SPECC1L: variants seen among roughly 807,000 people sequenced by gnomAD.
The protein encoded by SPECC1L is cytospin-A.
A neutral mutation model predicts 116.8 loss-of-function variants in SPECC1L; 40 were observed. The ratio of observed to expected loss-of-function variants is 0.34; its 90% CI spans 0.27 to 0.45. SPECC1L has a LOEUF of 0.45. Among genes scored for constraint, SPECC1L ranks in the 20% least tolerant of loss-of-function variants. SPECC1L has a pLI of 1.00. For synonymous variants in SPECC1L, 504 were observed against 500.6 expected (o/e 1.01, Z -0.09); for missense variants, 1,110 against 1,373.6 (o/e 0.81, Z 3.03).
intron 12 of SPECC1L, among the ~76,000 whole-genome samples, chr22:24,363,604 T>G (rs2041688963): frequency 6.6e-6 from 1 of 152,228 alleles, no homozygotes. Context: ...GTGTGTGTGT[T>G]CTTCAGATTC....
At chr22:24,299,965 A>G (rs1019106572) in intron 2 of SPECC1L, among the ~76,000 whole-genome samples, 11 of 152,214 alleles carry the variant, frequency 7.2e-5, no homozygotes, top group African/African-American at 2.7e-4. Flanking sequence ...TAATTTATAT[A>G]AATGGAATCA....
chr22:24,384,994 C>T (rs1200836310), intron 14 of SPECC1L, among the ~76,000 whole-genome samples: 1 of 149,468 alleles, frequency 6.7e-6, no homozygotes. Context: ...ACCCGGGAGG[C>T]AGAGCTTGCA....
At chr22:24,337,849 G>T (rs531424580) in intron 9 of SPECC1L, among the ~76,000 whole-genome samples, 4 of 151,828 alleles carry the variant, frequency 2.6e-5, no homozygotes, top group South Asian at 2.1e-4. Context: ...GTTTATTATA[G>T]AGAGAGAGAG....
chr22:24,362,140 T>C (rs1326001741), intron 11 of SPECC1L, among the ~76,000 whole-genome samples: 2 of 152,222 alleles, frequency 1.3e-5, no homozygotes, highest in Non-Finnish European at 2.9e-5. Flanking sequence ...GTTGTCCTTG[T>C]GACTGCCTCT....
chr22:24,366,003 T>C (rs535571444), intron 13 of SPECC1L, among the ~76,000 whole-genome samples: 23 of 151,974 alleles, frequency 1.5e-4, no homozygotes, highest in Admixed American at 1.3e-3. Context: ...GGGGGCATGA[T>C]TGGCAAGGTC....
chr22:24,348,912 G>A (rs992062933), intron 11 of SPECC1L, among the ~76,000 whole-genome samples: 2 of 152,234 alleles, frequency 1.3e-5, no homozygotes, highest in Admixed American at 6.5e-5. Context: ...TGACCCGTCA[G>A]CAGCATTTGG....
chr22:24,318,232 T>C (rs1048862271), intron 4 of SPECC1L, among the ~76,000 whole-genome samples: 4 of 152,218 alleles, frequency 2.6e-5, no homozygotes, highest in South Asian at 2.1e-4. Context: ...CTGGGCACCA[T>C]TGAGCAATGA....
chr22:24,378,504 A>C (rs1216417862), intron 14 of SPECC1L, among the ~76,000 whole-genome samples: 1 of 152,242 alleles, frequency 6.6e-6, no homozygotes, highest in African/African-American at 2.4e-5. Context: ...CAAGTGGCCT[A>C]ACTTTCAGCC....
chr22:24,411,480 T>C, intron 14 of SPECC1L, 108 bp from the exon 15 acceptor site: 1 of 1,019,318 alleles, frequency 9.8e-7, no homozygotes, highest in East Asian at 2.4e-5. Context: ...GGTTTTGGTT[T>C]TGTGTTTTGG....
At chr22:24,399,514 G>A (rs1327201955) in intron 14 of SPECC1L, among the ~76,000 whole-genome samples, 1 of 152,044 alleles carries the variant, frequency 6.6e-6, no homozygotes, top group South Asian at 2.1e-4. Context: ...AGCTTGTGGT[G>A]AGCTGAGATC....
chr22:24,377,326 G>A (rs975116789), intron 14 of SPECC1L, among the ~76,000 whole-genome samples: 2 of 150,618 alleles, frequency 1.3e-5, no homozygotes, highest in African/African-American at 2.4e-5. Context: ...TTTTTTTTTC[G>A]ACATGAGGTC....
intron 9 of SPECC1L, among the ~76,000 whole-genome samples, chr22:24,335,383 C>G (rs190037670): frequency 1.3e-5 from 2 of 152,276 alleles, no homozygotes; most frequent in East Asian, 3.9e-4. Flanking sequence ...TCAGTTGAAC[C>G]ACTCTTCCCC....
At chr22:24,302,894 C>T (rs983976342) in intron 3 of SPECC1L, among the ~76,000 whole-genome samples, 2 of 152,134 alleles carry the variant, frequency 1.3e-5, no homozygotes, top group African/African-American at 2.4e-5. Context: ...CTCACTGTCA[C>T]CACCACAAAT....
intron 12 of SPECC1L, among the ~76,000 whole-genome samples, chr22:24,364,122 C>T (rs1197147952): frequency 2.0e-5 from 3 of 152,122 alleles, no homozygotes; most frequent in Non-Finnish European, 4.4e-5. Flanking sequence ...GTGCTCAGCC[C>T]TGCGTTCTGA....
At chr22:24,369,356 T>A in intron 14 of SPECC1L, 36 bp downstream of exon 14, 1 of 1,491,702 alleles carries the variant, frequency 6.7e-7, no homozygotes. Flanking sequence ...TGTGAGTAAT[T>A]GGCAAACCAA....
At chr22:24,333,683 A>G (rs1194461212) in intron 8 of SPECC1L, among the ~76,000 whole-genome samples, 1 of 151,812 alleles carries the variant, frequency 6.6e-6, no homozygotes, top group African/African-American at 2.4e-5. Flanking sequence ...ATAAATTAAT[A>G]TTATACCAGT....
In SPECC1L at chr22:24,363,350, G is replaced by T. The variant is rs1490417919; in HGVS notation, c.2827+6G>T. On this transcript the variant is annotated splice_donor_region_variant and intron_variant, in intron 12 of 16. Coordinates refer to ENST00000314328, the MANE Select transcript of SPECC1L (RefSeq NM_015330.6). ...AAGTGCCAAGACCCTCTCAGGTGAT[G>T]ACTTTCATCTGAATTTTTGTTGTAT... 1 of 1,611,274 alleles carries T rather than the reference G, an allele frequency of 6.2e-7. No individual in the cohort carries two copies. Among genetic ancestry groups the T allele is most frequent in the Non-Finnish European group, 8.5e-7 (1 of 1,177,552 alleles).
At chr22:24,405,234 C>T (rs917646985) in intron 14 of SPECC1L, among the ~76,000 whole-genome samples, 2 of 152,126 alleles carry the variant, frequency 1.3e-5, no homozygotes, top group Non-Finnish European at 2.9e-5. Flanking sequence ...AGTTTGTTAT[C>T]TGAGTTCCTC....
rs202142165 is a variant in SPECC1L, at chr22:24,302,326, C to G, written c.95C>G (p.Ser32Cys). Residue 32 changes from serine to cysteine, a missense_variant, in exon 3 of 17, where the codon TCT (serine) becomes TGT (cysteine). Around this residue, in one of 4 missense-constraint regions of SPECC1L, gnomAD observed 437 missense variants for 482.6 expected, o/e 0.91. Transcript: ENST00000314328. ...GAAAAAATTAAACCTGAAAACAGCT[C>G]TTCAGCATCTACGGGAGGCAAACTT... ...TAEKIKPENS[S>C]SASTGGKLVK... is the part of the protein sequence containing the mutation. 51 of 1,614,178 alleles carry G rather than the reference C, an allele frequency of 3.2e-5. No homozygotes were observed. In the African/African-American group the frequency reaches 4.8e-4, roughly 15 times the overall value.
Sources: allele counts gnomAD v4.1 joint callset (sites outside exome capture counted in the v4.1 genomes callset), GRCh38; gene constraint gnomAD v4.1.1; regional missense constraint gnomAD v4.1.1; transcripts MANE v1.5; gene names NCBI Gene and HGNC (gene_info 2026-07-23, HGNC 2026-07-21).